TBC1D5: variants seen among roughly 807,000 people sequenced by gnomAD.
TBC1D5 encodes TBC1 domain family, member 5.
TBC1D5 carries 75 observed loss-of-function variants against 100.3 expected under a neutral mutation model. That is an observed-to-expected ratio of 0.75 (90% CI 0.62 to 0.91). The LOEUF is 0.91. Among genes scored for constraint, TBC1D5 ranks in the 40% least tolerant of loss-of-function variants. The pLI is 0.00. For synonymous variants in TBC1D5, 323 were observed against 325.6 expected (o/e 0.99, Z 0.09); for missense variants, 910 against 942.4 (o/e 0.97, Z 0.45).
intron 1 of TBC1D5, among the ~76,000 whole-genome samples, chr3:17,719,753 G>A (rs2075540791): frequency 6.6e-6 from 1 of 152,062 alleles, no homozygotes; most frequent in South Asian, 2.1e-4. Context: ...TTTTCACATA[G>A]TACATTCACT....
chr3:17,613,634 C>T (rs1393893280), intron 2 of TBC1D5, among the ~76,000 whole-genome samples: 1 of 152,138 alleles, frequency 6.6e-6, no homozygotes, highest in Non-Finnish European at 1.5e-5. Context: ...CTCTGATGAC[C>T]AGTGATAGTG....
intron 2 of TBC1D5, among the ~76,000 whole-genome samples, chr3:17,603,942 G>A (rs1310677677): frequency 2.0e-5 from 3 of 151,986 alleles, no homozygotes; most frequent in Non-Finnish European, 4.4e-5. Flanking sequence ...ACCACGCCCG[G>A]CGCTATTCCT....
At chr3:17,290,016 C>T (rs927295041) in intron 15 of TBC1D5, among the ~76,000 whole-genome samples, 7 of 152,192 alleles carry the variant, frequency 4.6e-5, no homozygotes, top group African/African-American at 1.7e-4. Flanking sequence ...CTTTACTTTT[C>T]CTATAGATAT....
At chr3:17,704,723 A>G (rs1577646483) in intron 1 of TBC1D5, among the ~76,000 whole-genome samples, 1 of 38,996 alleles carries the variant, frequency 2.6e-5, no homozygotes, top group Non-Finnish European at 4.9e-5. Context: ...TCCCTCCCGG[A>G]CGGGGCGGCT....
intron 15 of TBC1D5, among the ~76,000 whole-genome samples, chr3:17,269,101 T>C (rs1158635455): frequency 1.3e-5 from 2 of 152,116 alleles, no homozygotes; most frequent in African/African-American, 4.8e-5. Flanking sequence ...TACTTCAACA[T>C]TTTAGTAACT....
intron 15 of TBC1D5, among the ~76,000 whole-genome samples, chr3:17,263,366 CAAAAAAAAA>C (rs71049192): frequency 1.2e-5 from 1 of 80,994 alleles, no homozygotes; most frequent in African/African-American, 4.7e-5. Flanking sequence ...ACCCTGTCTC[CAAAAAAAAA>C]AAAAAAAAAA....
chr3:17,340,998 A>G (rs2088807900), intron 13 of TBC1D5, among the ~76,000 whole-genome samples: 1 of 152,206 alleles, frequency 6.6e-6, no homozygotes, highest in Non-Finnish European at 1.5e-5. Flanking sequence ...TAATATTTAC[A>G]GAAGTCCCTC....
intron 1 of TBC1D5, among the ~76,000 whole-genome samples, chr3:17,671,685 C>G (rs2067959642): frequency 6.6e-6 from 1 of 152,172 alleles, no homozygotes. Flanking sequence ...AATAAACATT[C>G]TCCCCCAAAT....
At chr3:17,587,214 A>G (rs182355587) in intron 2 of TBC1D5, among the ~76,000 whole-genome samples, 50 of 152,126 alleles carry the variant, frequency 3.3e-4, no homozygotes, top group Admixed American at 2.0e-4. Flanking sequence ...AATAACAACT[A>G]AATTTCTCAA....
chr3:17,397,713 T>C (rs1036071501), intron 8 of TBC1D5, among the ~76,000 whole-genome samples: 1 of 152,150 alleles, frequency 6.6e-6, no homozygotes, highest in Non-Finnish European at 1.5e-5. Flanking sequence ...ACCATGGAGA[T>C]ACAAGTAAGA....
At chr3:17,723,649 T>A (rs1205566616) in intron 1 of TBC1D5, among the ~76,000 whole-genome samples, 3 of 152,166 alleles carry the variant, frequency 2.0e-5, no homozygotes, top group Non-Finnish European at 2.9e-5. Flanking sequence ...ATTTAAAAAA[T>A]TTTTTGGAGA....
At chr3:17,513,408 AAAT>A (rs1009730038) in intron 2 of TBC1D5, among the ~76,000 whole-genome samples, 1 of 152,144 alleles carries the variant, frequency 6.6e-6, no homozygotes, top group Non-Finnish European at 1.5e-5. Context: ...TGAACAGATA[AAAT>A]AATAAGTTAG....
chr3:17,739,284 G>A (rs1281085417), intron 1 of TBC1D5: 5 of 152,144 alleles, frequency 3.3e-5, no homozygotes, highest in African/African-American at 1.2e-4. Flanking sequence ...GACAAAAAGG[G>A]GGTTAAGAGA....
chr3:17,692,967 A>C (rs1033960055), intron 1 of TBC1D5, among the ~76,000 whole-genome samples: 2 of 152,222 alleles, frequency 1.3e-5, no homozygotes, highest in Non-Finnish European at 2.9e-5. Context: ...CTGCCTCTAC[A>C]AAAAATACAA....
intron 1 of TBC1D5, among the ~76,000 whole-genome samples, chr3:17,713,748 A>G (rs2074981855): frequency 6.6e-6 from 1 of 152,228 alleles, no homozygotes; most frequent in South Asian, 2.1e-4. Context: ...TCTCCAAAGA[A>G]GATATTCAAA....
intron 2 of TBC1D5, among the ~76,000 whole-genome samples, chr3:17,546,051 A>C (rs1212014912): frequency 6.6e-6 from 1 of 152,204 alleles, no homozygotes. Flanking sequence ...TAAATATAAT[A>C]ATCAACAAAA....
chr3:17,566,104 T>C (rs1242467799), intron 2 of TBC1D5, among the ~76,000 whole-genome samples: 1 of 151,962 alleles, frequency 6.6e-6, no homozygotes, highest in Non-Finnish European at 1.5e-5. Flanking sequence ...AAAGACACTG[T>C]AATATATAGT....
chr3:17,360,764 T>G (rs1364349428), intron 13 of TBC1D5, among the ~76,000 whole-genome samples: 3 of 152,024 alleles, frequency 2.0e-5, no homozygotes, highest in African/African-American at 7.2e-5. Context: ...TTCTATGTTA[T>G]ATATTTTGGA....
intron 2 of TBC1D5, among the ~76,000 whole-genome samples, chr3:17,604,034 T>C (rs543268021): frequency 2.0e-5 from 3 of 152,208 alleles, no homozygotes; most frequent in Non-Finnish European, 2.9e-5. Context: ...AGAACCCAAA[T>C]GGCCTCCTGG....
Sources: allele counts gnomAD v4.1 joint callset (sites outside exome capture counted in the v4.1 genomes callset), GRCh38; gene constraint gnomAD v4.1.1; transcripts MANE v1.5; gene names NCBI Gene and HGNC (gene_info 2026-07-23, HGNC 2026-07-21).